The following DSTYK variants were observed in gnomAD, a reference collection of about 807,000 sequenced individuals.
DSTYK encodes the protein dual serine/threonine and tyrosine protein kinase.
DSTYK carries 34 observed loss-of-function variants against 98.7 expected under a neutral mutation model. That is an observed-to-expected ratio of 0.34 (90% confidence interval 0.26 to 0.46). The LOEUF (loss-of-function observed/expected upper bound fraction) is 0.46, where lower values mean the gene tolerates loss of function less well. Among genes scored for constraint, DSTYK ranks in the 20% least tolerant of loss-of-function variants. The pLI is 1.00. For synonymous variants in DSTYK, 462 were observed against 457.3 expected (o/e 1.01, Z -0.13); for missense variants, 962 against 1,181.7 (o/e 0.81, Z 2.73).
intron 9 of DSTYK, 124 bp from the exon 10 acceptor site, chr1:205,157,510 CA>C: frequency 1.4e-6 from 1 of 711,664 alleles, no homozygotes; most frequent in Non-Finnish European, 2.4e-6. Context: ...CACAGTGGCT[CA>C]TGCCTGTAAC....
At chr1:205,162,485 T>C (rs1450549848) in intron 5 of DSTYK, among the ~76,000 whole-genome samples, 3 of 152,160 alleles carry the variant, frequency 2.0e-5, no homozygotes, top group Non-Finnish European at 4.4e-5. Context: ...ATAATCTTTC[T>C]GAAGTCAGTA....
At chr1:205,168,658 T>C (rs1276474078) in intron 3 of DSTYK, among the ~76,000 whole-genome samples, 2 of 152,198 alleles carry the variant, frequency 1.3e-5, no homozygotes, top group Non-Finnish European at 2.9e-5. Flanking sequence ...TCACCCAATT[T>C]TGTTAGTAGC....
intron 1 of DSTYK, among the ~76,000 whole-genome samples, chr1:205,190,599 G>A (rs925579769): frequency 1.2e-4 from 15 of 127,246 alleles, no homozygotes; most frequent in Non-Finnish European, 2.2e-4. Context: ...CTGGGCAACA[G>A]AGCGAGACTC....
At chr1:205,185,619 T>G (rs531602439) in intron 2 of DSTYK, among the ~76,000 whole-genome samples, 1 of 152,350 alleles carries the variant, frequency 6.6e-6, no homozygotes, top group Non-Finnish European at 1.5e-5. Flanking sequence ...AAATTATCAG[T>G]ATGTATTGCA....
chr1:205,190,782 A>C (rs1348018479), intron 1 of DSTYK, among the ~76,000 whole-genome samples: 1 of 152,174 alleles, frequency 6.6e-6, no homozygotes, highest in Non-Finnish European at 1.5e-5. Flanking sequence ...AGATTTTCAC[A>C]TAAGTGTCTA....
rs1168067474 is a variant in DSTYK at position 205,143,492 on chromosome 1, G to A, written c.*4066C>T. 6.6e-6 allele frequency: 1 copy of A among 152,310 alleles called. No individual in the cohort carries two copies. Among genetic ancestry groups the A allele is most frequent in the Non-Finnish European group, 1.5e-5 (1 of 68,014 alleles). The allele number at this position is 152,310 out of a possible 1,614,324, so 9.4% of individuals were successfully genotyped here. A position where few individuals can be genotyped will look rare whatever the true frequency, so the allele number is the denominator to read the frequency against. On this transcript the variant is annotated 3_prime_UTR_variant, in exon 13 of 13. Transcript: ENST00000367162. ...CTTCCAGGGTTGTTAATCCCACTCT[G>A]ACACAATATGGATGGACTAGGGAGG...
At position 205,169,372 on chromosome 1, in the gene DSTYK, A is replaced by G. The variant is rs1657983602; in HGVS notation, c.1115T>C (p.Ile372Thr). The G allele has an allele frequency of 6.2e-7, 1 of 1,614,052 alleles. No homozygotes were observed. Residue 372 changes from isoleucine (I) to threonine (T), a missense_variant, in exon 3 of 13, where the codon ATC (isoleucine) becomes ACC (threonine). Physicochemically the swap from Ile to Thr is moderately conservative, Grantham distance 89. This residue lies in a region of DSTYK where 660 missense variants were observed against 855.0 expected (regional missense o/e 0.77). Coordinates refer to ENST00000367162, the MANE Select transcript of DSTYK (RefSeq NM_015375.3). This position sits in a 1 kb window ranked among gnomAD's most constrained non-coding sequence, Gnocchi z 4.0. ...LNLVHCHCLD[I>T]FINQAFDMQR... Reference sequence around the variant, plus strand: ...CATGTCAAATGCCTGGTTAATAAAGATGTCAAGGCAGTGGCAGTGCACCAG... The same window carrying G: ...CATGTCAAATGCCTGGTTAATAAAGGTGTCAAGGCAGTGGCAGTGCACCAG...
In DSTYK at chr1:205,169,313, C is replaced by G; in HGVS notation, c.1174G>C (p.Glu392Gln). Residue 392 changes from glutamate to glutamine, a missense_variant, in exon 3 of 13, where the codon GAA becomes CAA. Glu to Gln is a conservative substitution (Grantham distance 29). Coordinates refer to ENST00000367162, the MANE Select transcript of DSTYK (RefSeq NM_015375.3). The surrounding 1 kb of genome is among the most constrained non-coding windows in gnomAD (Gnocchi z 4.0). ...RDLQITPKRL[E>Q]YTRKKENELY... ...TCATTCTCCTTTTTTCGAGTATATTCCAGACGTTTGGGAGTGATCTGCAGG... is the reference window on the plus strand; with the variant it reads ...TCATTCTCCTTTTTTCGAGTATATTGCAGACGTTTGGGAGTGATCTGCAGG... The G allele has an allele frequency of 6.2e-7, 1 of 1,614,106 alleles. No homozygotes were observed. Among genetic ancestry groups the G allele is most frequent in the Non-Finnish European group, 8.5e-7 (1 of 1,180,030 alleles).
At chr1:205,175,397 T>C (rs1299479948) in intron 2 of DSTYK, among the ~76,000 whole-genome samples, 1 of 152,214 alleles carries the variant, frequency 6.6e-6, no homozygotes, top group African/African-American at 2.4e-5. Context: ...CGCCAGAAGC[T>C]GCCTATTCCT....
chr1:205,170,489 G>A (rs767931581), intron 2 of DSTYK, among the ~76,000 whole-genome samples: 5 of 152,048 alleles, frequency 3.3e-5, no homozygotes, highest in South Asian at 2.1e-4. Context: ...GCTTACTATC[G>A]TAGCTCCAGT....
Position 205,159,912 on chromosome 1 carries a change from T to C in DSTYK, c.2105+202A>G. 6 of 798,406 alleles carry C rather than the reference T, an allele frequency of 7.5e-6. No individual in the cohort carries two copies. In the South Asian group the frequency reaches 8.8e-5, roughly 12 times the overall value. 49.5% of individuals were successfully genotyped at this position (798,406 alleles called of 1,614,324 possible). A position where few individuals can be genotyped will look rare whatever the true frequency, so the allele number is the denominator to read the frequency against. On this transcript the variant is annotated intron_variant, in intron 8 of 12. Transcript: ENST00000367162. Reference sequence around the variant, plus strand: ...TTAAGGACTAAAGAAGAAAGTTAAATGGAATGATGAGTCTGAGAAATTAGG... The same window carrying C: ...TTAAGGACTAAAGAAGAAAGTTAAACGGAATGATGAGTCTGAGAAATTAGG...
At chr1:205,180,534 A>G (rs556344508) in intron 2 of DSTYK, among the ~76,000 whole-genome samples, 38 of 152,150 alleles carry the variant, frequency 2.5e-4, no homozygotes, top group Non-Finnish European at 4.1e-4. Flanking sequence ...GCGCGGTCTC[A>G]GCTTACCGCA....
At chr1:205,199,729 A>C (rs915213288) in intron 1 of DSTYK, among the ~76,000 whole-genome samples, 1 of 152,198 alleles carries the variant, frequency 6.6e-6, no homozygotes, top group African/African-American at 2.4e-5. Flanking sequence ...GACACTACTC[A>C]GATTCCCTGC....
rs530428754 is a variant in DSTYK at position 205,187,700 on chromosome 1, C to T, written c.372G>A (p.Lys124=). 6.2e-6 allele frequency: 10 copies of T among 1,614,224 alleles called. No homozygotes were observed. The highest frequency in any genetic ancestry group is 1.1e-5 in the South Asian group (1 of 91,090). Reference sequence around the variant, plus strand: ...CCAACAGCAGATTCAACAGCTGGCACTTGACGTTACAATCCTGGCCGAGGA... The same window carrying T: ...CCAACAGCAGATTCAACAGCTGGCATTTGACGTTACAATCCTGGCCGAGGA... The part of the protein sequence containing the change: ...ILILGQDCNV[K]CQLLNLLLGV... Residue 124 remains lysine (K), a synonymous_variant, in exon 2 of 13, where the codon AAG becomes AAA. Transcript: ENST00000367162.
intron 7 of DSTYK, among the ~76,000 whole-genome samples, chr1:205,160,556 G>T (rs1294183451): frequency 6.6e-6 from 1 of 151,842 alleles, no homozygotes; most frequent in African/African-American, 2.4e-5. Context: ...GGGTGGTCCC[G>T]AACTCCTGGG....
chr1:205,167,914 CA>C (rs1486405598), intron 3 of DSTYK, among the ~76,000 whole-genome samples: 9 of 152,042 alleles, frequency 5.9e-5, no homozygotes, highest in Non-Finnish European at 1.2e-4. Flanking sequence ...ACATCCTGGC[CA>C]ACATGATGAA....
intron 1 of DSTYK, among the ~76,000 whole-genome samples, chr1:205,198,086 G>A (rs1658918677): frequency 2.6e-5 from 4 of 152,084 alleles, no homozygotes; most frequent in African/African-American, 7.2e-5. Flanking sequence ...CCAGCTACTC[G>A]GTAGGCTGAG....
chr1:205,169,872 C>A lies in DSTYK; in HGVS notation c.655-40G>T. 1 of 1,548,646 alleles carries A rather than the reference C, an allele frequency of 6.5e-7. No homozygotes were observed. The highest frequency in any genetic ancestry group is 1.2e-5 in the South Asian group (1 of 82,142). ...GGGTCATATATCAGCGCCTCAGGGT[C>A]AGAACCAATCCCTGTCTCCCCAAAG... On this transcript the variant is annotated intron_variant, in intron 2 of 12. Coordinates refer to ENST00000367162, the MANE Select transcript of DSTYK (RefSeq NM_015375.3). This position sits in a 1 kb window ranked among gnomAD's most constrained non-coding sequence, Gnocchi z 4.0.
chr1:205,161,556 A>ATAATAACTT (rs1657720741), intron 6 of DSTYK, among the ~76,000 whole-genome samples, 169 bp from the exon 7 acceptor site: 1 of 152,220 alleles, frequency 6.6e-6, no homozygotes, highest in African/African-American at 2.4e-5. Context: ...CTCTCAATAA[A>ATAATAACTT]TAATAACTTT....
Sources: allele counts gnomAD v4.1 joint callset (sites outside exome capture counted in the v4.1 genomes callset), GRCh38; gene constraint gnomAD v4.1.1; regional missense constraint gnomAD v4.1.1; non-coding constraint Gnocchi (gnomAD v3.1); transcripts MANE v1.5; gene names NCBI Gene and HGNC (gene_info 2026-07-23, HGNC 2026-07-21).